Variants in REC114 observed in about 807,000 individuals in gnomAD.
REC114 encodes REC114 meiotic recombination protein.
A neutral mutation model predicts 31.3 loss-of-function variants in REC114; 27 were observed. The observed-to-expected ratio is 0.86, with a 90% CI of 0.64 to 1.19. The LOEUF (loss-of-function observed/expected upper bound fraction) is 1.19, where lower values mean the gene tolerates loss of function less well. Ranked by LOEUF, REC114 falls within the 50% of genes most tolerant of loss-of-function variation. REC114 has a pLI of 0.00. For synonymous variants in REC114, 134 were observed against 127.7 expected (o/e 1.05, Z -0.33); for missense variants, 344 against 326.9 (o/e 1.05, Z -0.40).
At chr15:73,477,129 T>G (rs1203895270) in intron 2 of REC114, among the ~76,000 whole-genome samples, 1 of 152,244 alleles carries the variant, frequency 6.6e-6, no homozygotes, top group Non-Finnish European at 1.5e-5. Flanking sequence ...TTGAGCATCT[T>G]TTCACGTATT....
intron 2 of REC114, among the ~76,000 whole-genome samples, chr15:73,513,798 C>T (rs1263025064): frequency 1.1e-4 from 16 of 151,042 alleles, no homozygotes; most frequent in Non-Finnish European, 1.8e-4. Flanking sequence ...GGCAGTCTGC[C>T]GGTTCTCAGA....
At chr15:73,544,979 C>T (rs1894289672) in intron 3 of REC114, among the ~76,000 whole-genome samples, 1 of 152,206 alleles carries the variant, frequency 6.6e-6, no homozygotes, top group Non-Finnish European at 1.5e-5. Flanking sequence ...CCACATTTTC[C>T]AGGGCATGAC....
At chr15:73,528,593 A>G (rs1489873484) in intron 2 of REC114, among the ~76,000 whole-genome samples, 1 of 152,234 alleles carries the variant, frequency 6.6e-6, no homozygotes, top group African/African-American at 2.4e-5. Flanking sequence ...CTGTTTTTGT[A>G]TGGCTTTTGA....
At chr15:73,467,923 C>A (rs557154968) in intron 1 of REC114, among the ~76,000 whole-genome samples, 4 of 151,394 alleles carry the variant, frequency 2.6e-5, no homozygotes, top group African/African-American at 9.7e-5. Context: ...TTCTCTAACA[C>A]GTAGAGGTTG....
chr15:73,495,745 A>C (rs997321470), intron 2 of REC114, among the ~76,000 whole-genome samples: 1 of 152,134 alleles, frequency 6.6e-6, no homozygotes, highest in African/African-American at 2.4e-5. Context: ...AGTCTGTACT[A>C]GGTTCAATTG....
rs143509385 is a variant in REC114 at position 73,474,317 on chromosome 15, A to G, written c.249+396A>G. Among the ~76,000 whole-genome samples the G allele has an allele frequency of 4.7e-3, 720 of 152,352 alleles. 5 individuals carry two copies. Among genetic ancestry groups the G allele is most frequent in the Middle Eastern group, 0.024 (7 of 294 alleles). On this transcript the variant is annotated intron_variant, in intron 2 of 5. Transcript: ENST00000331090. ...CAAAAAGGTGTTACTGTTAATTGAT[A>G]GCGTCCTCTATAAAACTCTAATTTT...
At chr15:73,456,951 A>G (rs1217485790) in intron 1 of REC114, among the ~76,000 whole-genome samples, 1 of 152,078 alleles carries the variant, frequency 6.6e-6, no homozygotes, top group African/African-American at 2.4e-5. Flanking sequence ...TTTAAGGAAA[A>G]TTTAAAATAG....
chr15:73,468,224 CCTAT>C (rs1476465860), intron 1 of REC114, among the ~76,000 whole-genome samples: 8 of 152,136 alleles, frequency 5.3e-5, no homozygotes, highest in Admixed American at 1.3e-4. Context: ...ATTAAATCTT[CCTAT>C]CTGTGAACAA....
chr15:73,532,431 G>A lies in REC114; in HGVS notation c.250-8054G>A, dbSNP rs537024681. 3.5e-4 allele frequency among the ~76,000 whole-genome samples: 53 copies of A among 151,192 alleles called. 1 individual carries two copies. The South Asian group carries it at 9.9e-3, about 28-fold the overall frequency. On this transcript the variant is annotated intron_variant, in intron 2 of 5. Coordinates refer to ENST00000331090, the MANE Select transcript of REC114 (RefSeq NM_001042367.2). ...CCAAGTCTTTGCTATTGTGAATAGT[G>A]CCACAGTAAACATACGTGTGCATGT...
chr15:73,554,651 G>C (rs959694779), intron 4 of REC114, among the ~76,000 whole-genome samples: 7 of 152,106 alleles, frequency 4.6e-5, no homozygotes, highest in South Asian at 4.1e-4. Flanking sequence ...GTTCCTATGT[G>C]GACTCTTTCC....
intron 5 of REC114, 147 bp from the exon 6 acceptor site, chr15:73,559,605 G>GTAAAGGAAGCC (rs1335701302): frequency 2.3e-5 from 13 of 565,770 alleles, no homozygotes; most frequent in Admixed American, 1.2e-4. Flanking sequence ...GTAAAACTAT[G>GTAAAGGAAGCC]TAAAGGAAGC....
intron 5 of REC114, among the ~76,000 whole-genome samples, chr15:73,557,820 T>A (rs1362307597): frequency 1.3e-5 from 2 of 152,238 alleles, no homozygotes; most frequent in African/African-American, 2.4e-5. Context: ...ACTTACTTGC[T>A]CTTATCTTTT....
At chr15:73,559,230 C>T (rs1243166108) in intron 5 of REC114, among the ~76,000 whole-genome samples, 4 of 152,272 alleles carry the variant, frequency 2.6e-5, no homozygotes, top group South Asian at 4.1e-4. Context: ...GACAGTTACA[C>T]GACTATTTGT....
intron 2 of REC114, among the ~76,000 whole-genome samples, chr15:73,484,360 T>G (rs1372313824): frequency 6.6e-6 from 1 of 152,110 alleles, no homozygotes; most frequent in Non-Finnish European, 1.5e-5. Context: ...GCCACCTGCT[T>G]CTTTGTTGCC....
chr15:73,475,715 G>A (rs1893202821), intron 2 of REC114, among the ~76,000 whole-genome samples: 1 of 152,042 alleles, frequency 6.6e-6, no homozygotes, highest in Admixed American at 6.6e-5. Flanking sequence ...ATAAAAAATA[G>A]TCATTAAGGA....
At chr15:73,548,332 C>A (rs1894339126) in intron 3 of REC114, among the ~76,000 whole-genome samples, 1 of 152,218 alleles carries the variant, frequency 6.6e-6, no homozygotes, top group Non-Finnish European at 1.5e-5. Flanking sequence ...TGGCCTCGAT[C>A]TCTTGACCTT....
rs527957817 is a variant in REC114 at position 73,453,019 on chromosome 15, C to T, written c.159+9675C>T. On this transcript the variant is annotated intron_variant, in intron 1 of 5. Coordinates refer to ENST00000331090, the MANE Select transcript of REC114 (RefSeq NM_001042367.2). ...AAAGACTTAAATATAAGACCTAAAA[C>T]GATGAAAACCCTAGAAGAAGACCTA... is the stretch of plus-strand genomic sequence containing the variant. Among the ~76,000 whole-genome samples the T allele has an allele frequency of 2.8e-3, 422 of 152,256 alleles. 3 individuals carry two copies. Among genetic ancestry groups the T allele is most frequent in the African/African-American group, 9.5e-3 (396 of 41,544 alleles).
At chr15:73,478,150 G>C (rs796310493) in intron 2 of REC114, among the ~76,000 whole-genome samples, 6 of 151,266 alleles carry the variant, frequency 4.0e-5, no homozygotes, top group African/African-American at 1.5e-4. Flanking sequence ...TGTAATCCCA[G>C]TGACTCGGGA....
In REC114 at chr15:73,452,070, G is replaced by T. The variant is rs143906882; in HGVS notation, c.159+8726G>T. Among the ~76,000 whole-genome samples the T allele has an allele frequency of 4.8e-3, 725 of 152,268 alleles. 6 individuals are homozygous for T. Among genetic ancestry groups the T allele is most frequent in the African/African-American group, 0.017 (687 of 41,550 alleles). ...CTGGAAGCGTTCCCTTTGATAACTG[G>T]TACAAGACAAGGATGCCCTCTCTCA... On this transcript the variant is annotated intron_variant, in intron 1 of 5. Coordinates refer to ENST00000331090, the MANE Select transcript of REC114 (RefSeq NM_001042367.2).
Sources: allele counts gnomAD v4.1 joint callset (sites outside exome capture counted in the v4.1 genomes callset), GRCh38; gene constraint gnomAD v4.1.1; transcripts MANE v1.5; gene names NCBI Gene and HGNC (gene_info 2026-07-23, HGNC 2026-07-21).